SLC49A4: variants seen among roughly 807,000 people sequenced by gnomAD.
The protein encoded by SLC49A4 is disrupted in renal cancer protein 2.
Under a neutral mutation model 50.6 loss-of-function variants are expected in SLC49A4, and 36 were observed. The ratio of observed to expected loss-of-function variants is 0.71; its 90% confidence interval spans 0.55 to 0.94. The LOEUF (loss-of-function observed/expected upper bound fraction) is 0.94. Among genes scored for constraint, SLC49A4 ranks in the 40% least tolerant of loss-of-function variants. The probability of loss-of-function intolerance (pLI) is 0.00; values close to 1 mark genes in which losing one functional copy is unlikely to be tolerated. For synonymous variants in SLC49A4, 248 were observed against 241.2 expected, an observed-to-expected ratio of 1.03 and a Z score of -0.26; for missense variants, 503 against 605.7, an observed-to-expected ratio of 0.83 and a Z score of 1.78.
In SLC49A4 at chr3:122,795,242, CCGGGCT is replaced by C; in HGVS notation, c.56_61del (p.Leu19_Gly20del). ...GAGGAGAGGCAGCCGCTGCTGGGGC[CCGGGCT>C]CGGGCCTGGGCTGGGGGCCTCCTGG... On this transcript the variant is annotated inframe_deletion, in exon 1 of 9. Coordinates refer to ENST00000261038, the MANE Select transcript of SLC49A4 (RefSeq NM_032839.3). 1.5e-6 allele frequency: 2 copies of C among 1,344,480 alleles called. No homozygotes were observed. Among genetic ancestry groups the C allele is most frequent in the Non-Finnish European group, 1.9e-6 (2 of 1,057,278 alleles). The allele number at this position is 1,344,480 out of a possible 1,614,324, so 83.3% of individuals were successfully genotyped here. A position where few individuals can be genotyped will look rare whatever the true frequency, so the allele number is the denominator to read the frequency against.
Position 122,879,620 on chromosome 3 carries a change from G to T in SLC49A4, c.*242G>T. On this transcript the variant is annotated 3_prime_UTR_variant, in exon 9 of 9. Transcript: ENST00000261038. ...TGGCATACCTGTGCCTGCTTCTGGGGTTGGAAGTGTGACTTCTTACACATA... is the reference window on the plus strand; with the variant it reads ...TGGCATACCTGTGCCTGCTTCTGGGTTTGGAAGTGTGACTTCTTACACATA... 1 of 345,228 alleles carries T rather than the reference G, an allele frequency of 2.9e-6. No homozygotes were observed. The highest frequency in any genetic ancestry group is 5.3e-5 in the East Asian group (1 of 18,906). 21.4% of individuals were successfully genotyped at this position (345,228 alleles called of 1,614,324 possible).
At chr3:122,838,926 G>A (rs1266588656) in intron 4 of SLC49A4, among the ~76,000 whole-genome samples, 7 of 151,824 alleles carry the variant, frequency 4.6e-5, no homozygotes, top group African/African-American at 1.5e-4. Flanking sequence ...AGTCCAAATA[G>A]CCAAAGCAAT....
At chr3:122,877,246 C>T (rs1937277649) in intron 8 of SLC49A4, among the ~76,000 whole-genome samples, 1 of 152,070 alleles carries the variant, frequency 6.6e-6, no homozygotes, top group African/African-American at 2.4e-5. Flanking sequence ...GTAGAGGTTC[C>T]CCTATCTCTG....
chr3:122,796,293 T>C (rs1183462452), intron 1 of SLC49A4, among the ~76,000 whole-genome samples: 1 of 152,212 alleles, frequency 6.6e-6, no homozygotes, highest in Non-Finnish European at 1.5e-5. Flanking sequence ...AAGAGGCTGT[T>C]GTGCAAGATT....
At chr3:122,846,151 T>A (rs1419501668) in intron 5 of SLC49A4, among the ~76,000 whole-genome samples, 1 of 152,246 alleles carries the variant, frequency 6.6e-6, no homozygotes, top group African/African-American at 2.4e-5. Flanking sequence ...ACCCCATTCT[T>A]TATCCTTGCT....
At chr3:122,868,115 CAAAAA>C (rs748874580) in intron 7 of SLC49A4, among the ~76,000 whole-genome samples, 7 of 99,570 alleles carry the variant, frequency 7.0e-5, no homozygotes, top group Non-Finnish European at 1.1e-4. Context: ...ACTCCGTCTC[CAAAAA>C]AAAAAAAAAA....
intron 3 of SLC49A4, among the ~76,000 whole-genome samples, chr3:122,830,076 G>A (rs1442091985): frequency 6.6e-6 from 1 of 152,104 alleles, no homozygotes; most frequent in Non-Finnish European, 1.5e-5. Context: ...AATTCAATTT[G>A]CAATAGCATC....
chr3:122,796,803 A>C lies in SLC49A4; in HGVS notation c.343+1268A>C, dbSNP rs886212362. Among the ~76,000 whole-genome samples, 4 of 152,150 alleles carry C rather than the reference A, an allele frequency of 2.6e-5. No individual in the cohort carries two copies. The South Asian group carries it at 6.2e-4, about 24-fold the overall frequency. The stretch of plus-strand genomic sequence containing the variant: ...GAGGCTGGGGTGGGAGGATTGCTTG[A>C]GCTCAGGAGGTCGAAGCTGGAGTGA... On this transcript the variant is annotated intron_variant, in intron 1 of 8. Coordinates refer to ENST00000261038, the MANE Select transcript of SLC49A4 (RefSeq NM_032839.3).
intron 4 of SLC49A4, among the ~76,000 whole-genome samples, chr3:122,835,873 G>C (rs868693586): frequency 1.3e-5 from 2 of 152,064 alleles, no homozygotes; most frequent in African/African-American, 2.4e-5. Context: ...TCTTCCAAAA[G>C]ACTCCTAGAT....
chr3:122,825,009 A>G (rs1936507362), intron 2 of SLC49A4, among the ~76,000 whole-genome samples: 1 of 152,096 alleles, frequency 6.6e-6, no homozygotes, highest in Non-Finnish European at 1.5e-5. Flanking sequence ...CTGGGGTTAC[A>G]GGCATGAGCC....
chr3:122,832,151 G>C lies in SLC49A4; in HGVS notation c.704-1166G>C, dbSNP rs200681219. On this transcript the variant is annotated intron_variant, in intron 3 of 8. Coordinates refer to ENST00000261038, the MANE Select transcript of SLC49A4 (RefSeq NM_032839.3). Reference sequence around the variant, plus strand: ...AATTATCCAACTGAAAGGACCTCTAGAAATCACTAAATTCAATCTGTTTAT... The same window carrying C: ...AATTATCCAACTGAAAGGACCTCTACAAATCACTAAATTCAATCTGTTTAT... Among the ~76,000 whole-genome samples, 3 of 152,094 alleles carry C rather than the reference G, an allele frequency of 2.0e-5. No individual in the cohort carries two copies. The East Asian group carries it at 5.8e-4, about 29-fold the overall frequency.
intron 2 of SLC49A4, among the ~76,000 whole-genome samples, chr3:122,822,095 T>A (rs1469774926): frequency 1.3e-5 from 2 of 152,148 alleles, no homozygotes; most frequent in African/African-American, 4.8e-5. Flanking sequence ...GATCCTGACC[T>A]ACAAGGACCT....
At chr3:122,853,496 C>T (rs1158887932) in intron 5 of SLC49A4, among the ~76,000 whole-genome samples, 3 of 152,182 alleles carry the variant, frequency 2.0e-5, no homozygotes, top group Admixed American at 6.5e-5. Context: ...TGGTGGCTCA[C>T]GCCTGTTATC....
chr3:122,868,130 A>AG, intron 7 of SLC49A4, among the ~76,000 whole-genome samples: 1 of 152,090 alleles, frequency 6.6e-6, no homozygotes, highest in African/African-American at 2.4e-5. Flanking sequence ...AAAAAAAAAA[A>AG]GTATTCACAC....
chr3:122,817,457 G>A (rs955115489), intron 2 of SLC49A4, among the ~76,000 whole-genome samples: 9 of 152,128 alleles, frequency 5.9e-5, no homozygotes, highest in Non-Finnish European at 8.8e-5. Context: ...GTAAGATGAC[G>A]CGTATGTATT....
At chr3:122,814,150 C>G (rs1936334410) in intron 2 of SLC49A4, among the ~76,000 whole-genome samples, 2 of 152,142 alleles carry the variant, frequency 1.3e-5, no homozygotes, top group South Asian at 4.1e-4. Flanking sequence ...TTCCTATAAT[C>G]CCAGCTACTT....
intron 5 of SLC49A4, among the ~76,000 whole-genome samples, chr3:122,850,153 C>T (rs146667299): frequency 5.3e-4 from 81 of 152,258 alleles, no homozygotes; most frequent in Non-Finnish European, 7.6e-4. Flanking sequence ...TCATCAGAAT[C>T]GTCTATTTCA....
Position 122,860,067 on chromosome 3 carries a change from GT to G in SLC49A4, c.1011-3del. On this transcript the variant is annotated splice_polypyrimidine_tract_variant and splice_region_variant and intron_variant, in intron 6 of 8. Transcript: ENST00000261038. ...CCACTAGAATTAATAGAGCATTTTT[GT>G]TTTTAGGTTTGCAGATTTTATCAGG... 1.3e-6 allele frequency: 2 copies of G among 1,599,040 alleles called. No homozygotes were observed. The highest frequency in any genetic ancestry group is 1.8e-5 in the Admixed American group (1 of 56,320).
At chr3:122,860,619 G>A (rs892381757) in intron 7 of SLC49A4, among the ~76,000 whole-genome samples, 1 of 152,096 alleles carries the variant, frequency 6.6e-6, no homozygotes, top group African/African-American at 2.4e-5. Context: ...TTTACATTTA[G>A]TGTTATTCCA....
Sources: allele counts gnomAD v4.1 joint callset (sites outside exome capture counted in the v4.1 genomes callset), GRCh38; gene constraint gnomAD v4.1.1; transcripts MANE v1.5; gene names NCBI Gene and HGNC (gene_info 2026-07-23, HGNC 2026-07-21).